Variants in GRM7 observed in about 807,000 individuals in gnomAD.
GRM7 encodes metabotropic glutamate receptor 7.
In GRM7, 35 loss-of-function variants were observed where a neutral mutation model predicts 84.5. The observed-to-expected ratio is 0.41, with a 90% confidence interval of 0.32 to 0.55. The LOEUF is 0.55. Among genes scored for constraint, GRM7 ranks in the 20% least tolerant of loss-of-function variants. GRM7 has a pLI of 0.19. For synonymous variants in GRM7, 487 were observed against 455.1 expected (o/e 1.07, Z -0.89); for missense variants, 1,003 against 1,194.6 (o/e 0.84, Z 2.36).
At position 7,045,936 on chromosome 3, in the gene GRM7, A is replaced by AT. The variant is rs34216904; in HGVS notation, c.520-100508dup. Reference sequence around the variant, plus strand: ...GGATCACATGATAGTTCTACATGCCATTTTTTTTGGAGAAACTTTGCTATT... The same window carrying AT: ...GGATCACATGATAGTTCTACATGCCATTTTTTTTTGGAGAAACTTTGCTATT... On this transcript the variant is annotated intron_variant, in intron 1 of 9. Transcript: ENST00000357716. Among the ~76,000 whole-genome samples the AT allele has an allele frequency of 5.9e-5, 9 of 151,822 alleles. No homozygotes were observed. The South Asian group carries it at 6.2e-4, about 11-fold the overall frequency.
chr3:7,727,595 T>C (rs162724), intron 9 of GRM7, among the ~76,000 whole-genome samples: 38,735 of 151,986 alleles, frequency 0.25, 6,338 homozygotes, highest in African/African-American at 0.46. Flanking sequence ...GAGTGTGAGC[T>C]GGTCAGCTTC....
At chr3:7,496,261 T>A (rs989800369) in intron 7 of GRM7, among the ~76,000 whole-genome samples, 1 of 152,154 alleles carries the variant, frequency 6.6e-6, no homozygotes, top group East Asian at 1.9e-4. Flanking sequence ...ACATCTTGAC[T>A]CAGTTATCAT....
At chr3:6,935,149 G>A (rs1697642899) in intron 1 of GRM7, among the ~76,000 whole-genome samples, 1 of 152,198 alleles carries the variant, frequency 6.6e-6, no homozygotes, top group African/African-American at 2.4e-5. Context: ...GTTAGAGGGA[G>A]CATTTCATGT....
At chr3:7,121,480 A>T (rs953647756) in intron 1 of GRM7, among the ~76,000 whole-genome samples, 2 of 152,212 alleles carry the variant, frequency 1.3e-5, no homozygotes, top group African/African-American at 2.4e-5. Flanking sequence ...ATTATGAGTT[A>T]TCTATGCTTC....
At chr3:7,342,116 T>C (rs1366617969) in intron 4 of GRM7, among the ~76,000 whole-genome samples, 1 of 152,166 alleles carries the variant, frequency 6.6e-6, no homozygotes, top group Admixed American at 6.6e-5. Context: ...GTCAATTCCC[T>C]GCTAGGTCTG....
At chr3:7,679,175 G>A (rs1700257937) in intron 8 of GRM7, among the ~76,000 whole-genome samples, 1 of 152,074 alleles carries the variant, frequency 6.6e-6, no homozygotes, top group East Asian at 1.9e-4. Context: ...AAGGAGGAAC[G>A]TTCCATACGT....
intron 1 of GRM7, among the ~76,000 whole-genome samples, chr3:7,087,075 AG>A (rs1444674871): frequency 6.6e-6 from 1 of 152,226 alleles, no homozygotes; most frequent in Non-Finnish European, 1.5e-5. Flanking sequence ...AACAGAAGAA[AG>A]TGAAAAACTC....
intron 7 of GRM7, among the ~76,000 whole-genome samples, chr3:7,519,418 CTGT>C (rs1700510423): frequency 1.6e-5 from 1 of 60,880 alleles, no homozygotes; most frequent in Non-Finnish European, 4.8e-5. Context: ...TGCTGGAAAT[CTGT>C]CTGTTGATCT....
At chr3:7,717,703 G>T (rs1360817531) in intron 9 of GRM7, among the ~76,000 whole-genome samples, 1 of 152,178 alleles carries the variant, frequency 6.6e-6, no homozygotes, top group Non-Finnish European at 1.5e-5. Context: ...CAGGAAGGGA[G>T]AGTCTCCAGT....
At chr3:7,182,017 C>G in intron 2 of GRM7, among the ~76,000 whole-genome samples, 1 of 152,126 alleles carries the variant, frequency 6.6e-6, no homozygotes, top group South Asian at 2.1e-4. Flanking sequence ...CAATATCAGT[C>G]TGTTACTTTC....
At chr3:7,534,854 C>T (rs779749) in intron 7 of GRM7, among the ~76,000 whole-genome samples, 59,531 of 151,934 alleles carry the variant, frequency 0.39, 11,912 homozygotes, top group African/African-American at 0.46. Context: ...TAGAAAAACA[C>T]GGCTATTAAG....
At chr3:7,136,186 T>C (rs1693765275) in intron 1 of GRM7, among the ~76,000 whole-genome samples, 1 of 134,270 alleles carries the variant, frequency 7.4e-6, no homozygotes, top group Non-Finnish European at 1.5e-5. Flanking sequence ...TTTTATTCAT[T>C]TTTTTTTTCT....
intron 7 of GRM7, among the ~76,000 whole-genome samples, chr3:7,517,766 G>T (rs1312717567): frequency 6.6e-6 from 1 of 152,074 alleles, no homozygotes; most frequent in African/African-American, 2.4e-5. Flanking sequence ...CACTGTCTGG[G>T]GATTATCCCA....
At chr3:7,184,242 G>A (rs760007885) in intron 2 of GRM7, among the ~76,000 whole-genome samples, 3 of 152,042 alleles carry the variant, frequency 2.0e-5, no homozygotes, top group East Asian at 1.9e-4. Flanking sequence ...TCCCTTCTCC[G>A]AAAAAGTAAA....
intron 7 of GRM7, among the ~76,000 whole-genome samples, chr3:7,509,419 A>G (rs1027127960): frequency 6.6e-6 from 1 of 152,192 alleles, no homozygotes; most frequent in Non-Finnish European, 1.5e-5. Flanking sequence ...GGGGCTACAT[A>G]GGATGGGTAC....
chr3:7,148,036 G>C (rs1694164902), intron 2 of GRM7, among the ~76,000 whole-genome samples: 1 of 152,072 alleles, frequency 6.6e-6, no homozygotes, highest in South Asian at 2.1e-4. Context: ...ATGGCCCCAG[G>C]TGCTACATTC....
At chr3:7,305,145 C>T (rs963780494) in intron 3 of GRM7, among the ~76,000 whole-genome samples, 1 of 152,106 alleles carries the variant, frequency 6.6e-6, no homozygotes. Flanking sequence ...GTTTAAAATT[C>T]CTAGAGTGTC....
chr3:7,384,379 A>G (rs1310251381), intron 4 of GRM7, among the ~76,000 whole-genome samples: 1 of 152,166 alleles, frequency 6.6e-6, no homozygotes, highest in Non-Finnish European at 1.5e-5. Context: ...AAATATTTGG[A>G]TAATTGAAAA....
intron 1 of GRM7, among the ~76,000 whole-genome samples, chr3:7,143,968 A>C (rs375272889): frequency 3.5e-4 from 54 of 152,178 alleles, no homozygotes; most frequent in African/African-American, 1.2e-3. Flanking sequence ...AAAACTTATA[A>C]TCTCCAAACT....
Sources: allele counts gnomAD v4.1 joint callset (sites outside exome capture counted in the v4.1 genomes callset), GRCh38; gene constraint gnomAD v4.1.1; transcripts MANE v1.5; gene names NCBI Gene and HGNC (gene_info 2026-07-23, HGNC 2026-07-21).